DYNC1I1: variants seen among roughly 807,000 people sequenced by gnomAD.
The protein encoded by DYNC1I1 is cytoplasmic dynein 1 intermediate chain 1.
Under a neutral mutation model 86.6 loss-of-function variants are expected in DYNC1I1, and 43 were observed. That is an observed-to-expected ratio of 0.50 (90% CI 0.39 to 0.64). DYNC1I1 has a LOEUF of 0.64. Ranked by LOEUF, DYNC1I1 falls within the 30% of genes least tolerant of loss-of-function variation. DYNC1I1 has a pLI of 0.00. For missense variants in DYNC1I1, 604 were observed against 788.8 expected, an observed-to-expected ratio of 0.77 and a Z score of 2.81; for synonymous variants, 262 against 283.7, an observed-to-expected ratio of 0.92 and a Z score of 0.77.
At chr7:95,896,684 C>T (rs1022580842) in intron 6 of DYNC1I1, among the ~76,000 whole-genome samples, 2 of 152,176 alleles carry the variant, frequency 1.3e-5, no homozygotes, top group Non-Finnish European at 2.9e-5. Context: ...AGTGAGAAAT[C>T]AGAAACCAAG....
chr7:95,805,637 G>A (rs1241398891), intron 2 of DYNC1I1, among the ~76,000 whole-genome samples: 1 of 152,118 alleles, frequency 6.6e-6, no homozygotes, highest in African/African-American at 2.4e-5. Flanking sequence ...TCCACTATGT[G>A]AATCAAACAA....
chr7:95,985,480 A>G (rs1793567266), intron 8 of DYNC1I1, among the ~76,000 whole-genome samples: 1 of 152,174 alleles, frequency 6.6e-6, no homozygotes, highest in African/African-American at 2.4e-5. Flanking sequence ...TAATATATGT[A>G]AGAATATATT....
chr7:95,951,719 C>A (rs1792560526), intron 6 of DYNC1I1, among the ~76,000 whole-genome samples: 1 of 152,214 alleles, frequency 6.6e-6, no homozygotes, highest in African/African-American at 2.4e-5. Flanking sequence ...AGGAGGACGA[C>A]TGCACGCCTA....
chr7:95,936,950 T>C (rs1792056687), intron 6 of DYNC1I1, among the ~76,000 whole-genome samples: 2 of 41,248 alleles, frequency 4.8e-5, no homozygotes, highest in Admixed American at 2.7e-4. Flanking sequence ...GGATAAAGAA[T>C]ATGTCTCACA....
chr7:95,789,095 T>C (rs778110308), intron 1 of DYNC1I1, among the ~76,000 whole-genome samples: 5 of 152,178 alleles, frequency 3.3e-5, no homozygotes, highest in Non-Finnish European at 5.9e-5. Context: ...AAAATACACA[T>C]GAGTATCAGA....
intron 6 of DYNC1I1, among the ~76,000 whole-genome samples, chr7:95,942,444 C>T (rs1012528971): frequency 2.0e-5 from 3 of 152,150 alleles, no homozygotes; most frequent in African/African-American, 7.2e-5. Flanking sequence ...ACCAGAGGTA[C>T]AAGGAGGAAC....
intron 5 of DYNC1I1, among the ~76,000 whole-genome samples, chr7:95,836,480 C>T (rs1288570696): frequency 5.1e-4 from 77 of 151,500 alleles, no homozygotes; most frequent in African/African-American, 1.7e-3. Flanking sequence ...ATCTTTGTGG[C>T]GTTCTTTGTA....
Position 95,912,037 on chromosome 7 carries a change from A to AT in DYNC1I1, c.490+42049dup, listed in dbSNP as rs112364570. Among the ~76,000 whole-genome samples, 768 of 149,070 alleles carry AT rather than the reference A, an allele frequency of 5.2e-3. 6 individuals carry two copies. The highest frequency in any genetic ancestry group is 0.017 in the African/African-American group (702 of 40,594). On this transcript the variant is annotated intron_variant, in intron 6 of 16. Coordinates refer to ENST00000447467, the MANE Select transcript of DYNC1I1 (RefSeq NM_001135556.2). ...AGCACTCACTCATCACTTGAACATC[A>AT]TTTTTTTTTTCTTTTTTGAGAAAGA... is the stretch of plus-strand genomic sequence containing the variant.
intron 14 of DYNC1I1, among the ~76,000 whole-genome samples, chr7:96,046,579 C>T (rs1789221550): frequency 6.6e-6 from 1 of 152,016 alleles, no homozygotes; most frequent in Admixed American, 6.6e-5. Flanking sequence ...TTTGGGTGAC[C>T]CCAAAGACTG....
chr7:96,096,281 AG>A (rs1308399737), intron 16 of DYNC1I1, among the ~76,000 whole-genome samples: 1 of 152,138 alleles, frequency 6.6e-6, no homozygotes, highest in East Asian at 1.9e-4. Context: ...CAGCTGTAGA[AG>A]CAATCTCAAA....
chr7:96,022,759 G>A (rs1794584542), intron 10 of DYNC1I1, among the ~76,000 whole-genome samples: 1 of 151,912 alleles, frequency 6.6e-6, no homozygotes, highest in African/African-American at 2.4e-5. Flanking sequence ...CAGCTACTCA[G>A]GAGGCTGAGA....
chr7:95,936,681 A>C (rs1792049148), intron 6 of DYNC1I1, among the ~76,000 whole-genome samples: 1 of 151,990 alleles, frequency 6.6e-6, no homozygotes, highest in South Asian at 2.1e-4. Context: ...AAAGCAGAGG[A>C]CAATAGTTTG....
At chr7:95,938,967 A>C in intron 6 of DYNC1I1, among the ~76,000 whole-genome samples, 1 of 152,158 alleles carries the variant, frequency 6.6e-6, no homozygotes, top group Non-Finnish European at 1.5e-5. Context: ...CACTGCTTTG[A>C]ATGTGTCCCA....
chr7:96,008,449 C>T (rs1181280985), intron 10 of DYNC1I1, among the ~76,000 whole-genome samples: 2 of 152,080 alleles, frequency 1.3e-5, no homozygotes, highest in Non-Finnish European at 2.9e-5. Flanking sequence ...CATTAATACC[C>T]CTACTGAAGA....
chr7:96,024,786 T>A (rs1794637112), intron 10 of DYNC1I1, among the ~76,000 whole-genome samples: 1 of 152,156 alleles, frequency 6.6e-6, no homozygotes, highest in African/African-American at 2.4e-5. Context: ...TTTTCTGAAA[T>A]GTTTTTTACT....
chr7:95,941,752 TCCCAAG>T (rs1792229193), intron 6 of DYNC1I1, among the ~76,000 whole-genome samples: 1 of 152,194 alleles, frequency 6.6e-6, no homozygotes, highest in Non-Finnish European at 1.5e-5. Flanking sequence ...CACTTGCGCT[TCCCAAG>T]TGAGGCAATG....
chr7:95,861,608 C>T (rs1789880122), intron 5 of DYNC1I1, among the ~76,000 whole-genome samples: 1 of 106,898 alleles, frequency 9.4e-6, no homozygotes, highest in Admixed American at 1.0e-4. Flanking sequence ...GTACAGCTCT[C>T]TTTTTGCAAT....
chr7:95,863,437 A>G (rs1296501347), intron 5 of DYNC1I1, among the ~76,000 whole-genome samples: 1 of 152,156 alleles, frequency 6.6e-6, no homozygotes, highest in African/African-American at 2.4e-5. Context: ...TGGTTGCACA[A>G]TTTTGTGAAT....
At chr7:95,925,668 T>C (rs1250382894) in intron 6 of DYNC1I1, among the ~76,000 whole-genome samples, 2 of 152,166 alleles carry the variant, frequency 1.3e-5, no homozygotes, top group Admixed American at 1.3e-4. Flanking sequence ...ATAGCCAAAA[T>C]TTGACAGGCA....
Sources: allele counts gnomAD v4.1 joint callset (sites outside exome capture counted in the v4.1 genomes callset), GRCh38; gene constraint gnomAD v4.1.1; transcripts MANE v1.5; gene names NCBI Gene and HGNC (gene_info 2026-07-23, HGNC 2026-07-21).